The following CD38 variants were observed in gnomAD, a reference collection of about 807,000 sequenced individuals.
CD38 encodes the protein CD38 molecule.
Under a neutral mutation model 36.3 loss-of-function variants are expected in CD38, and 31 were observed. The ratio of observed to expected loss-of-function variants is 0.85; its 90% CI spans 0.64 to 1.15. The LOEUF (loss-of-function observed/expected upper bound fraction) is 1.15. CD38 is among the 50% of genes most tolerant of loss of function. The pLI is 0.00. For missense variants in CD38, 380 were observed against 371.9 expected (o/e 1.02, Z -0.18); for synonymous variants, 131 against 135.2 (o/e 0.97, Z 0.22).
chr4:15,801,994 A>G (rs1723233527), intron 1 of CD38, among the ~76,000 whole-genome samples: 1 of 152,196 alleles, frequency 6.6e-6, no homozygotes, highest in Non-Finnish European at 1.5e-5. Context: ...TTTGGAAGGA[A>G]TAAGTCAAAT....
At chr4:15,847,595 CAAAAAAAAAAAAAAA>C (rs71179666) in intron 7 of CD38, among the ~76,000 whole-genome samples, 17 of 38,168 alleles carry the variant, frequency 4.5e-4, no homozygotes, top group African/African-American at 1.4e-3. Flanking sequence ...CTCTCAGAAG[CAAAAAAAAAAAAAAA>C]AAAAAAAAAA....
At chr4:15,785,624 C>T (rs1260299003) in intron 1 of CD38, among the ~76,000 whole-genome samples, 2 of 151,936 alleles carry the variant, frequency 1.3e-5, no homozygotes, top group African/African-American at 4.8e-5. Flanking sequence ...AAACAGCTGC[C>T]AAATGTCAGT....
intron 1 of CD38, among the ~76,000 whole-genome samples, chr4:15,802,861 G>A (rs1723259992): frequency 6.6e-6 from 1 of 152,044 alleles, no homozygotes; most frequent in African/African-American, 2.4e-5. Context: ...AAGCAATTCT[G>A]AGCAAAAAGA....
intron 1 of CD38, among the ~76,000 whole-genome samples, chr4:15,803,798 C>T (rs1723278943): frequency 6.6e-6 from 1 of 151,986 alleles, no homozygotes; most frequent in African/African-American, 2.4e-5. Flanking sequence ...ACCCTTCCTT[C>T]CTCCTTCCCT....
chr4:15,801,230 T>A (rs897143245), intron 1 of CD38, among the ~76,000 whole-genome samples: 17 of 151,734 alleles, frequency 1.1e-4, no homozygotes, highest in Admixed American at 9.9e-4. Context: ...CAGGATGAGA[T>A]ACAAAATCCG....
At chr4:15,792,373 A>G (rs1482401769) in intron 1 of CD38, among the ~76,000 whole-genome samples, 4 of 128,040 alleles carry the variant, frequency 3.1e-5, no homozygotes, top group East Asian at 2.0e-4. Context: ...CTATTGTCCT[A>G]TGACCCTGCC....
chr4:15,832,763 T>C (rs370234437), intron 3 of CD38, among the ~76,000 whole-genome samples: 8 of 152,288 alleles, frequency 5.3e-5, no homozygotes, highest in African/African-American at 1.9e-4. Context: ...TCTGGGGCTC[T>C]ACAATCAGTA....
chr4:15,780,970 T>C (rs1447588147), intron 1 of CD38, among the ~76,000 whole-genome samples: 1 of 152,106 alleles, frequency 6.6e-6, no homozygotes, highest in East Asian at 1.9e-4. Context: ...TAGCCGGGTG[T>C]TGTGGCGCGT....
intron 3 of CD38, among the ~76,000 whole-genome samples, chr4:15,826,459 GCACACACACACACACACA>G (rs67475051): frequency 6.8e-6 from 1 of 146,348 alleles, no homozygotes; most frequent in African/African-American, 2.5e-5. Context: ...ACTTTTGTGC[GCACACACACACACACACA>G]CACACACACA....
chr4:15,786,966 CT>C (rs1450017837), intron 1 of CD38, among the ~76,000 whole-genome samples: 2 of 152,268 alleles, frequency 1.3e-5, no homozygotes, highest in Non-Finnish European at 1.5e-5. Context: ...CCCTCCACAG[CT>C]GCTGGCCTGG....
At chr4:15,790,244 A>G (rs71613232) in intron 1 of CD38, among the ~76,000 whole-genome samples, 22,003 of 148,788 alleles carry the variant, frequency 0.15, 1,620 homozygotes, top group Non-Finnish European at 0.22. Flanking sequence ...CCAAAGCTGG[A>G]CGGTACTGCT....
intron 2 of CD38, among the ~76,000 whole-genome samples, chr4:15,822,114 C>T (rs1723750809): frequency 1.3e-5 from 2 of 152,098 alleles, no homozygotes; most frequent in Non-Finnish European, 2.9e-5. Flanking sequence ...TCAATAGATG[C>T]GGAAAAGGCC....
chr4:15,839,935 C>T, intron 5 of CD38, 91 bp from the exon 6 acceptor site: 1 of 831,538 alleles, frequency 1.2e-6, no homozygotes, highest in South Asian at 1.3e-5. Context: ...TAGGTCCTAG[C>T]CAGTGCCTTT....
intron 1 of CD38, among the ~76,000 whole-genome samples, chr4:15,795,694 T>G (rs1304884763): frequency 6.6e-6 from 1 of 152,170 alleles, no homozygotes; most frequent in African/African-American, 2.4e-5. Flanking sequence ...CAGTTACAAT[T>G]AATTTTTTTT....
In CD38 at chr4:15,780,518, T is replaced by TCACA. The variant is rs59324393; in HGVS notation, c.233+1918_233+1921dup. On this transcript the variant is annotated intron_variant, in intron 1 of 7. Transcript: ENST00000226279. ...TATATTTTAGATAATATTCTCTCTC[T>TCACA]CACACACACACACACACACACACAC... is the stretch of plus-strand genomic sequence containing the variant. Among the ~76,000 whole-genome samples, 295 of 140,098 alleles carry TCACA rather than the reference T, an allele frequency of 2.1e-3. 2 individuals are homozygous for TCACA. Among genetic ancestry groups the TCACA allele is most frequent in the East Asian group, 5.4e-3 (25 of 4,630 alleles). 91.9% of individuals were successfully genotyped at this position (140,098 alleles called of 152,430 possible).
chr4:15,835,780 G>T (rs1390807818), intron 4 of CD38, among the ~76,000 whole-genome samples: 2 of 152,112 alleles, frequency 1.3e-5, no homozygotes, highest in African/African-American at 4.8e-5. Flanking sequence ...CCAAAGTTCT[G>T]GGATTACAGG....
intron 1 of CD38, among the ~76,000 whole-genome samples, chr4:15,802,164 T>C (rs769294863): frequency 6.6e-6 from 1 of 151,892 alleles, no homozygotes; most frequent in Non-Finnish European, 1.5e-5. Flanking sequence ...AAACTATCTG[T>C]AAAAGGAACC....
intron 2 of CD38, 123 bp from the exon 3 acceptor site, chr4:15,824,758 C>T: frequency 1.3e-6 from 1 of 756,462 alleles, no homozygotes; most frequent in East Asian, 2.5e-5. Context: ...ACAATTCTTA[C>T]TCTTACTATG....
chr4:15,826,779 A>G (rs1385124282), intron 3 of CD38, among the ~76,000 whole-genome samples: 1 of 152,098 alleles, frequency 6.6e-6, no homozygotes, highest in South Asian at 2.1e-4. Context: ...AATGTATATG[A>G]GATAGTTTAT....
Sources: allele counts gnomAD v4.1 joint callset (sites outside exome capture counted in the v4.1 genomes callset), GRCh38; gene constraint gnomAD v4.1.1; transcripts MANE v1.5; gene names NCBI Gene and HGNC (gene_info 2026-07-23, HGNC 2026-07-21).